The following CDYL variants were observed in gnomAD, a reference collection of about 807,000 sequenced individuals.
The protein encoded by CDYL is chromodomain Y-like protein.
A neutral mutation model predicts 47.3 loss-of-function variants in CDYL; 8 were observed. That is an observed-to-expected ratio of 0.17 (90% CI 0.10 to 0.31). The LOEUF is 0.31. Among genes scored for constraint, CDYL ranks in the 10% least tolerant of loss-of-function variants. The pLI, the probability that CDYL is intolerant of heterozygous loss-of-function variation, is 1.00. For missense variants in CDYL, 471 were observed against 701.4 expected (o/e 0.67, Z 3.71); for synonymous variants, 266 against 265.0 (o/e 1.00, Z -0.04).
At chr6:4,889,511 C>G (rs2127482629) in intron 1 of CDYL, among the ~76,000 whole-genome samples, 1 of 152,184 alleles carries the variant, frequency 6.6e-6, no homozygotes, top group South Asian at 2.1e-4. Context: ...GCGTGAGCCA[C>G]CGTGCCCGGC....
chr6:4,922,944 C>A (rs1027998796), intron 2 of CDYL, among the ~76,000 whole-genome samples: 2 of 152,086 alleles, frequency 1.3e-5, no homozygotes, highest in Non-Finnish European at 2.9e-5. Context: ...TTTTTTCCCC[C>A]CTTTTATTTT....
chr6:4,931,101 A>C lies in CDYL; in HGVS notation c.692-4414A>C, dbSNP rs555221516. On this transcript the variant is annotated intron_variant, in intron 2 of 6. Coordinates refer to ENST00000397588, the MANE Select transcript of CDYL (RefSeq NM_004824.4). The stretch of plus-strand genomic sequence containing the variant: ...GTGACACTTGGCCAGTCACTTAGCT[A>C]CTTGTCTCTAAATTGAGGGATCTGG... 8.5e-5 allele frequency among the ~76,000 whole-genome samples: 13 copies of C among 152,326 alleles called. No individual in the cohort carries two copies. In the East Asian group the frequency reaches 2.5e-3, roughly 29 times the overall value.
chr6:4,784,094 A>G (rs1232877106), intron 1 of CDYL, among the ~76,000 whole-genome samples: 2 of 152,180 alleles, frequency 1.3e-5, no homozygotes, highest in African/African-American at 4.8e-5. Context: ...TCTAAACTAT[A>G]GTTCACTAAT....
At chr6:4,754,510 G>C (rs1277394739) in intron 3 of CDYL, among the ~76,000 whole-genome samples, 2 of 152,202 alleles carry the variant, frequency 1.3e-5, no homozygotes, top group Admixed American at 1.3e-4. Flanking sequence ...TTTGGGTTTT[G>C]TGACAATTTG....
chr6:4,749,086 A>AT (rs895886468), intron 3 of CDYL, among the ~76,000 whole-genome samples: 5 of 152,156 alleles, frequency 3.3e-5, no homozygotes, highest in African/African-American at 9.7e-5. Context: ...CCAACAGGTA[A>AT]TTTTTTTCTA....
intron 3 of CDYL, among the ~76,000 whole-genome samples, chr6:4,758,345 TAAATAA>T: frequency 1.5e-5 from 1 of 64,912 alleles, no homozygotes; most frequent in Non-Finnish European, 3.6e-5. Context: ...GTCTTGAAAA[TAAATAA>T]ATATATATAT....
At chr6:4,729,838 G>A (rs4959318) in intron 2 of CDYL, among the ~76,000 whole-genome samples, 151,635 of 152,224 alleles carry the variant, frequency 1, 75,528 homozygotes, top group Middle Eastern at 1. Context: ...GAATCACTTG[G>A]GCCTGGGAAG....
chr6:4,935,654 C>T lies in CDYL; in HGVS notation c.831C>T (p.Ser277=), dbSNP rs374108109. Reference sequence around the variant, plus strand: ...CTTTTGACAAGCGATTGCGTTTCAGCGTGAGGCAAACAGAAAGTGCCTACA... The same window carrying T: ...CTTTTGACAAGCGATTGCGTTTCAGTGTGAGGCAAACAGAAAGTGCCTACA... ...DQPFDKRLRF[S]VRQTESAYRY... is the part of the protein sequence containing the mutation. The change falls in exon 3 of 7, where the codon AGC becomes AGT. Residue 277 remains serine, a synonymous_variant. Coordinates refer to ENST00000397588, the MANE Select transcript of CDYL (RefSeq NM_004824.4). The T allele has an allele frequency of 1.8e-5, 29 of 1,614,210 alleles. No individual in the cohort carries two copies. The highest frequency in any genetic ancestry group is 3.3e-5 in the South Asian group (3 of 91,086).
intron 1 of CDYL, among the ~76,000 whole-genome samples, chr6:4,793,042 T>G (rs375655170): frequency 6.6e-6 from 1 of 152,228 alleles, no homozygotes; most frequent in South Asian, 2.1e-4. Flanking sequence ...CCATGCTGGC[T>G]TGACTAGCAT....
At chr6:4,775,696 G>C (rs1307574089), upstream of CDYL, among the ~76,000 whole-genome samples, 1 of 148,640 alleles carries the variant, frequency 6.7e-6, no homozygotes, top group Non-Finnish European at 1.5e-5. This position sits in a 1 kb window ranked among gnomAD's most constrained non-coding sequence, Gnocchi z 7.0. Context: ...CGGAGCCAGC[G>C]TGCCAGCCGG....
At chr6:4,874,586 A>T (rs1366238906) in intron 1 of CDYL, among the ~76,000 whole-genome samples, 2 of 152,176 alleles carry the variant, frequency 1.3e-5, no homozygotes, top group Non-Finnish European at 2.9e-5. Context: ...GTTAAATGAG[A>T]TATGGCTTAC....
At chr6:4,717,839 A>ATTTTTTTTTTTTTTTTT (rs11450522) in intron 2 of CDYL, among the ~76,000 whole-genome samples, 1 of 144,214 alleles carries the variant, frequency 6.9e-6, no homozygotes, top group African/African-American at 2.6e-5. Context: ...ACCCTGTTAG[A>ATTTTTTTTTTTTTTTTT]TTTTTTTTTT....
rs1299084693 is a variant in CDYL, at chr6:4,935,675, C to T, written c.852C>T (p.Ala284=). ...TCAGCGTGAGGCAAACAGAAAGTGC[C>T]TACAGATACAGAGATATTGTGGTCA... ...LRFSVRQTES[A]YRYRDIVVRK... Residue 284 remains alanine (A), a synonymous_variant, in exon 3 of 7, where the codon GCC becomes GCT. Coordinates refer to ENST00000397588, the MANE Select transcript of CDYL (RefSeq NM_004824.4). 1.2e-6 allele frequency: 2 copies of T among 1,614,212 alleles called. No individual in the cohort carries two copies. The highest frequency in any genetic ancestry group is 1.7e-6 in the Non-Finnish European group (2 of 1,180,046).
chr6:4,816,769 A>G (rs188839977), intron 1 of CDYL, among the ~76,000 whole-genome samples: 111 of 152,292 alleles, frequency 7.3e-4, no homozygotes, highest in Non-Finnish European at 1.1e-3. Context: ...GATTACAGGC[A>G]TGAGCCACTG....
chr6:4,950,042 G>T (rs1012688565), intron 5 of CDYL, among the ~76,000 whole-genome samples: 1 of 152,186 alleles, frequency 6.6e-6, no homozygotes, highest in Non-Finnish European at 1.5e-5. Context: ...AAGACCGGCC[G>T]CAATGAGTGA....
chr6:4,817,059 A>G (rs147290120), intron 1 of CDYL, among the ~76,000 whole-genome samples: 4 of 152,204 alleles, frequency 2.6e-5, no homozygotes, highest in Non-Finnish European at 5.9e-5. Flanking sequence ...TAGAAATACA[A>G]CTAATAAATA....
chr6:4,745,410 C>A (rs1324671213), intron 3 of CDYL, among the ~76,000 whole-genome samples: 1 of 135,446 alleles, frequency 7.4e-6, no homozygotes, highest in Non-Finnish European at 1.7e-5. Flanking sequence ...TCTCAGAAAA[C>A]CCCCTCTTTC....
intron 2 of CDYL, among the ~76,000 whole-genome samples, chr6:4,900,498 A>G (rs1756995083): frequency 1.3e-5 from 2 of 151,890 alleles, no homozygotes; most frequent in Non-Finnish European, 2.9e-5. Context: ...TACATTTTAC[A>G]CTATTTGAGA....
chr6:4,748,409 A>G lies in CDYL; in HGVS notation c.186+13565A>G, dbSNP rs561432783. Among the ~76,000 whole-genome samples the G allele has an allele frequency of 3.9e-5, 6 of 152,164 alleles. No individual in the cohort carries two copies. The South Asian group carries it at 1.2e-3, about 32-fold the overall frequency. On this transcript the variant is annotated intron_variant, in intron 3 of 8. Coordinates refer to the CDYL transcript ENST00000328908. ...AAAACATAAAGGATACATACTAATAACACAGGCTATATGGCAAATGTCTAA... is the reference window on the plus strand; with the variant it reads ...AAAACATAAAGGATACATACTAATAGCACAGGCTATATGGCAAATGTCTAA...
Sources: allele counts gnomAD v4.1 joint callset (sites outside exome capture counted in the v4.1 genomes callset), GRCh38; gene constraint gnomAD v4.1.1; non-coding constraint Gnocchi (gnomAD v3.1); transcripts MANE v1.5; gene names NCBI Gene and HGNC (gene_info 2026-07-23, HGNC 2026-07-21).